ARMH3: variants seen among roughly 807,000 people sequenced by gnomAD.
ARMH3 encodes the protein armadillo like helical domain containing 3.
A neutral mutation model predicts 99.1 loss-of-function variants in ARMH3; 60 were observed. The observed-to-expected ratio is 0.61, with a 90% CI of 0.49 to 0.75. The LOEUF (loss-of-function observed/expected upper bound fraction) is 0.75, where lower values mean the gene tolerates loss of function less well. Among genes scored for constraint, ARMH3 ranks in the 30% least tolerant of loss-of-function variants. ARMH3 has a pLI of 0.00. For synonymous variants in ARMH3, 285 were observed against 292.8 expected, an observed-to-expected ratio of 0.97 and a Z score of 0.27; for missense variants, 679 against 843.1, an observed-to-expected ratio of 0.81 and a Z score of 2.41.
At chr10:101,902,456 A>G (rs926868601) in intron 23 of ARMH3, among the ~76,000 whole-genome samples, 1 of 152,194 alleles carries the variant, frequency 6.6e-6, no homozygotes, top group Non-Finnish European at 1.5e-5. Flanking sequence ...GCTGGGAGAC[A>G]GATACAACCA....
chr10:101,967,675 T>C (rs1328046164), intron 20 of ARMH3, among the ~76,000 whole-genome samples: 1 of 152,084 alleles, frequency 6.6e-6, no homozygotes, highest in Non-Finnish European at 1.5e-5. Flanking sequence ...AGGCAGAGGT[T>C]ACGGTGAGCT....
intron 20 of ARMH3, among the ~76,000 whole-genome samples, chr10:101,970,935 A>G (rs1164590706): frequency 1.3e-5 from 2 of 151,980 alleles, no homozygotes; most frequent in African/African-American, 4.8e-5. Flanking sequence ...ATCATTGTAA[A>G]AACATATGAA....
rs570394486 is a variant in ARMH3, at chr10:101,995,884, C to T, written c.1151-529G>A. The stretch of plus-strand genomic sequence containing the variant: ...CTTATGCCCTAGAAAGCTGTGAACT[C>T]TTGATCATTTTTCTTCCTGTCAAAG... On this transcript the variant is annotated intron_variant, in intron 15 of 25. Coordinates refer to ENST00000370033, the MANE Select transcript of ARMH3 (RefSeq NM_024541.3). Among the ~76,000 whole-genome samples, 6 of 152,348 alleles carry T rather than the reference C, an allele frequency of 3.9e-5. No homozygotes were observed. The East Asian group carries it at 1.2e-3, about 29-fold the overall frequency.
Position 102,026,308 on chromosome 10 carries a change from T to C in ARMH3, c.415-1060A>G, listed in dbSNP as rs751194575. ...AATAAATATGTGAGCATCTACTCTG[T>C]GCTGAATATTGTGCTTTAAAAGAAT... On this transcript the variant is annotated intron_variant, in intron 5 of 25. Coordinates refer to ENST00000370033, the MANE Select transcript of ARMH3 (RefSeq NM_024541.3). Among the ~76,000 whole-genome samples, 9 of 152,220 alleles carry C rather than the reference T, an allele frequency of 5.9e-5. 1 individual carries two copies. The highest frequency in any genetic ancestry group is 1.2e-4 in the Non-Finnish European group (8 of 68,038).
At chr10:102,008,422 T>C (rs79571079) in intron 13 of ARMH3, among the ~76,000 whole-genome samples, 1 of 152,338 alleles carries the variant, frequency 6.6e-6, no homozygotes, top group Non-Finnish European at 1.5e-5. Flanking sequence ...AGCTCTTGAG[T>C]TCTTGGTCTA....
chr10:102,023,472 G>A lies in ARMH3; in HGVS notation c.669+5C>T. On this transcript the variant is annotated splice_donor_5th_base_variant and intron_variant, in intron 8 of 25. Transcript: ENST00000370033. ...TAACAACTGTCCACTAAGGAGCCCAGTTACCTCATATTTTCTATAGTTCAC... is the reference window on the plus strand; with the variant it reads ...TAACAACTGTCCACTAAGGAGCCCAATTACCTCATATTTTCTATAGTTCAC... 1.2e-6 allele frequency: 2 copies of A among 1,612,216 alleles called. No homozygotes were observed. Among genetic ancestry groups the A allele is most frequent in the South Asian group, 1.1e-5 (1 of 91,024 alleles).
In ARMH3 at chr10:102,011,778, T is replaced by C; in HGVS notation, c.776A>G (p.Tyr259Cys). The change falls in exon 11 of 26, where the codon TAT becomes TGT. Residue 259 changes from tyrosine (Y) to cysteine (C), a missense_variant. Tyr to Cys is a radical substitution (Grantham distance 194). Around this residue, in one of 3 missense-constraint regions of ARMH3, gnomAD observed 280 missense variants for 354.6 expected, o/e 0.79. Coordinates refer to ENST00000370033, the MANE Select transcript of ARMH3 (RefSeq NM_024541.3). ...AQALSEYNRQ[Y>C]KDKEEEHQSG... ...TTGGTGTTCTTCTTCCTTGTCTTTA[T>C]ACTGCCTAAACAAAAAGAACTAAAT... is the stretch of plus-strand genomic sequence containing the variant. The C allele has an allele frequency of 1.9e-6, 3 of 1,609,996 alleles. No homozygotes were observed. Among genetic ancestry groups the C allele is most frequent in the Non-Finnish European group, 2.5e-6 (3 of 1,177,426 alleles).
intron 20 of ARMH3, among the ~76,000 whole-genome samples, chr10:101,966,592 A>C (rs1339330460): frequency 6.6e-6 from 1 of 152,054 alleles, no homozygotes; most frequent in African/African-American, 2.4e-5. Context: ...AATACGATCC[A>C]TCTGAGAATC....
intron 23 of ARMH3, among the ~76,000 whole-genome samples, chr10:101,906,165 A>C (rs1394026782): frequency 6.6e-6 from 1 of 152,226 alleles, no homozygotes; most frequent in Non-Finnish European, 1.5e-5. Flanking sequence ...ATAGAAATGT[A>C]ACTGGTTTCC....
chr10:102,034,502 G>A (rs548637341), intron 2 of ARMH3, among the ~76,000 whole-genome samples: 1 of 152,010 alleles, frequency 6.6e-6, no homozygotes, highest in African/African-American at 2.4e-5. Flanking sequence ...CGGGCGTGGT[G>A]GTGGGCACCT....
At chr10:101,947,716 C>T (rs1254459108) in intron 22 of ARMH3, among the ~76,000 whole-genome samples, 4 of 151,968 alleles carry the variant, frequency 2.6e-5, no homozygotes, top group Non-Finnish European at 4.4e-5. Flanking sequence ...AGGAGAATCG[C>T]TTGAACCGGG....
chr10:101,926,003 A>G (rs1204335629), intron 23 of ARMH3, among the ~76,000 whole-genome samples: 3 of 152,344 alleles, frequency 2.0e-5, no homozygotes, highest in Non-Finnish European at 4.4e-5. Flanking sequence ...GAAGCTGAAT[A>G]TATCTCCAAC....
chr10:102,024,995 G>C (rs1427784059), intron 6 of ARMH3, among the ~76,000 whole-genome samples, 161 bp downstream of exon 6: 1 of 152,156 alleles, frequency 6.6e-6, no homozygotes, highest in African/African-American at 2.4e-5. Flanking sequence ...GGAAGCAAAA[G>C]ACCATGCAGC....
intron 24 of ARMH3, among the ~76,000 whole-genome samples, chr10:101,863,239 G>A (rs1323220666): frequency 1.3e-5 from 2 of 152,106 alleles, no homozygotes; most frequent in Non-Finnish European, 2.9e-5. Context: ...ATAGAAGAAA[G>A]TTGAATTGCT....
intron 1 of ARMH3, among the ~76,000 whole-genome samples, chr10:102,041,484 G>C (rs571786283): frequency 6.6e-6 from 1 of 152,074 alleles, no homozygotes; most frequent in South Asian, 2.1e-4. Flanking sequence ...CTATCTTTCT[G>C]ATCAAAATCA....
intron 5 of ARMH3, among the ~76,000 whole-genome samples, chr10:102,027,375 T>C (rs1306179322): frequency 6.6e-6 from 1 of 150,846 alleles, no homozygotes; most frequent in East Asian, 1.9e-4. Flanking sequence ...AGAAGACAAG[T>C]ATGAGGAATA....
intron 20 of ARMH3, among the ~76,000 whole-genome samples, 159 bp downstream of exon 20, chr10:101,975,049 TAAAA>T (rs11399489): frequency 2.4e-4 from 7 of 29,666 alleles, no homozygotes; most frequent in Non-Finnish European, 2.4e-4. Context: ...AGCTAAAACG[TAAAA>T]AAAAAAAAAA....
At chr10:101,999,469 G>A (rs952771108) in intron 15 of ARMH3, among the ~76,000 whole-genome samples, 1 of 152,116 alleles carries the variant, frequency 6.6e-6, no homozygotes, top group Admixed American at 6.5e-5. Flanking sequence ...TGGGATTACA[G>A]GTGTGAGCCA....
chr10:101,985,161 T>C (rs140138737), intron 19 of ARMH3, among the ~76,000 whole-genome samples: 1 of 150,380 alleles, frequency 6.6e-6, no homozygotes, highest in Non-Finnish European at 1.5e-5. Context: ...ATAATGTATA[T>C]ATACGTGTAC....
Sources: gnomAD v4.1 joint callset for allele counts (sites outside exome capture counted in the v4.1 genomes callset) on GRCh38, gnomAD v4.1.1 for gene constraint, gnomAD v4.1.1 regional missense constraint, MANE v1.5 for transcripts, NCBI Gene and HGNC (gene_info 2026-07-23, HGNC 2026-07-21) for gene names.